Variants in ELL2 observed in about 807,000 individuals in gnomAD.
ELL2 encodes elongation factor for RNA polymerase II 2.
In ELL2, 21 loss-of-function variants were observed where a neutral mutation model predicts 72.8. The ratio of observed to expected loss-of-function variants is 0.29; its 90% CI spans 0.20 to 0.42. The LOEUF (loss-of-function observed/expected upper bound fraction) is 0.42. Among genes scored for constraint, ELL2 ranks in the 10% least tolerant of loss-of-function variants. ELL2 has a pLI of 1.00. For synonymous variants in ELL2, 266 were observed against 283.2 expected (o/e 0.94, Z 0.61); for missense variants, 568 against 772.8 (o/e 0.73, Z 3.14).
chr5:95,891,164 C>G lies in ELL2; in HGVS notation c.1700G>C (p.Arg567Thr). 1 of 1,614,158 alleles carries G rather than the reference C, an allele frequency of 6.2e-7. No individual in the cohort carries two copies. Residue 567 changes from arginine (R) to threonine (T), a missense_variant, in exon 10 of 12, where the codon AGA (arginine) becomes ACA (threonine). By Grantham distance (71) the Arg-to-Thr change is moderately conservative (BLOSUM62 -1). Transcript: ENST00000237853. ...TTGTGCATCTAGTTTGATAAATCTT[C>G]TAGCTACAGTCTCCATCCTGGCATG... The part of the protein sequence containing the change: ...ALHARMETVA[R>T]RFIKLDAQRK...
rs1254129813 is a variant in ELL2 at position 95,898,233 on chromosome 5, A to C, written c.1525+7T>G. On this transcript the variant is annotated splice_region_variant and intron_variant, in intron 8 of 11. Transcript: ENST00000237853. Reference sequence around the variant, plus strand: ...ATGCACTTCTGGTTCATCTAAAGGTAAAATACCTCCACTGGAATTTGGACT... The same window carrying C: ...ATGCACTTCTGGTTCATCTAAAGGTCAAATACCTCCACTGGAATTTGGACT... 1 of 1,589,836 alleles carries C rather than the reference A, an allele frequency of 6.3e-7. No homozygotes were observed. Among genetic ancestry groups the C allele is most frequent in the East Asian group, 2.2e-5 (1 of 44,742 alleles).
chr5:95,888,695 G>A lies in ELL2; in HGVS notation c.*176C>T. The A allele has an allele frequency of 4.4e-6, 2 of 455,716 alleles. No individual in the cohort carries two copies. Among genetic ancestry groups the A allele is most frequent in the Non-Finnish European group, 7.6e-6 (2 of 264,234 alleles). The allele number at this position is 455,716 out of a possible 1,614,324, so 28.2% of individuals were successfully genotyped here. ...GGGGTGGTGGGGAGGACCAGAAAGA[G>A]CAGCTTCGAAATGCAGGGAAGCAAA... On this transcript the variant is annotated 3_prime_UTR_variant, in exon 12 of 12. Transcript: ENST00000237853.
intron 1 of ELL2, among the ~76,000 whole-genome samples, chr5:95,959,654 A>C (rs577143440): frequency 6.6e-5 from 10 of 152,072 alleles, no homozygotes; most frequent in African/African-American, 2.4e-4. Context: ...TATTTCTTGT[A>C]TCTCTCCCAG....
At chr5:95,927,536 T>C (rs1432329435) in intron 2 of ELL2, among the ~76,000 whole-genome samples, 1 of 32,776 alleles carries the variant, frequency 3.1e-5, no homozygotes, top group Non-Finnish European at 5.0e-5. Context: ...CACACACGTG[T>C]GTATATAGAC....
intron 1 of ELL2, among the ~76,000 whole-genome samples, chr5:95,943,978 T>G (rs953049289): frequency 6.6e-6 from 1 of 152,226 alleles, no homozygotes; most frequent in Non-Finnish European, 1.5e-5. Context: ...TAATGTTTAA[T>G]GGTAGTACAT....
In ELL2 at chr5:95,900,690, T is replaced by C. The variant is rs922199862; in HGVS notation, c.954+3A>G. 1.3e-6 allele frequency: 2 copies of C among 1,584,494 alleles called. No individual in the cohort carries two copies. The highest frequency in any genetic ancestry group is 1.4e-5 in the African/African-American group (1 of 73,524). ...GGTCTATAATTCTATGTTTATGACA[T>C]ACCTGAGGAGAAGATACAGCGTCTC... is the stretch of plus-strand genomic sequence containing the variant. On this transcript the variant is annotated splice_donor_region_variant and intron_variant, in intron 7 of 11. Transcript: ENST00000237853.
chr5:95,892,427 G>A (rs761343371), intron 9 of ELL2, among the ~76,000 whole-genome samples: 3 of 152,324 alleles, frequency 2.0e-5, no homozygotes, highest in South Asian at 2.1e-4. Context: ...GATTATAGGC[G>A]TGAGCCACTG....
At chr5:95,951,430 A>G (rs1751398911) in intron 1 of ELL2, among the ~76,000 whole-genome samples, 1 of 152,080 alleles carries the variant, frequency 6.6e-6, no homozygotes, top group Non-Finnish European at 1.5e-5. Context: ...GAAGCATAGT[A>G]TTCCACCATT....
At chr5:95,920,484 G>A (rs1478883839) in intron 2 of ELL2, among the ~76,000 whole-genome samples, 1 of 151,418 alleles carries the variant, frequency 6.6e-6, no homozygotes, top group African/African-American at 2.4e-5. Context: ...TAATTTTTTT[G>A]TATTTTTAGT....
At position 95,891,261 on chromosome 5, in the gene ELL2, T is replaced by C. The variant is rs767627536; in HGVS notation, c.1603A>G (p.Ile535Val). Residue 535 changes from isoleucine (I) to valine (V), a missense_variant, in exon 10 of 12, where the codon ATC becomes GTC. By Grantham distance (29) the Ile-to-Val change is conservative. Around this residue, in one of 2 missense-constraint regions of ELL2, gnomAD observed 511 missense variants for 728.4 expected, o/e 0.70. Coordinates refer to ENST00000237853, the MANE Select transcript of ELL2 (RefSeq NM_012081.6). ...LPDYLIKYIAIVSYEQRQNYK... is the reference protein window; with the variant it reads ...LPDYLIKYIAVVSYEQRQNYK... ...TTCTGGCGTTGCTCATAGGAGACGA[T>C]AGCGATATATTTTCTAATAAGAAAA... The C allele has an allele frequency of 6.2e-6, 10 of 1,602,564 alleles. No individual in the cohort carries two copies. The highest frequency in any genetic ancestry group is 4.5e-5 in the East Asian group (2 of 44,780).
intron 1 of ELL2, among the ~76,000 whole-genome samples, chr5:95,955,383 C>A (rs1036473729): frequency 1.3e-5 from 2 of 152,146 alleles, no homozygotes; most frequent in African/African-American, 4.8e-5. Flanking sequence ...TTTCTTATAT[C>A]CTGAATTAAA....
chr5:95,942,703 A>T (rs1244620648), intron 2 of ELL2, among the ~76,000 whole-genome samples: 1 of 152,204 alleles, frequency 6.6e-6, no homozygotes, highest in African/African-American at 2.4e-5. Flanking sequence ...GATAATACAT[A>T]CTCACATAAT....
Position 95,961,731 on chromosome 5 carries a change from C to A in ELL2, c.-10G>T, listed in dbSNP as rs1437513874. The stretch of plus-strand genomic sequence containing the variant: ...TCCCCCCCGCCGCCATCTTAAACTC[C>A]CCGGGGTGCCGCCGCCGCCGCCGCT... On this transcript the variant is annotated 5_prime_UTR_variant, in exon 1 of 12. An upstream open reading frame in the 5' UTR gains an earlier in-frame stop. Coordinates refer to ENST00000237853, the MANE Select transcript of ELL2 (RefSeq NM_012081.6). 6.3e-7 allele frequency: 1 copy of A among 1,594,668 alleles called. No individual in the cohort carries two copies. Among genetic ancestry groups the A allele is most frequent in the Non-Finnish European group, 8.5e-7 (1 of 1,172,724 alleles).
At chr5:95,905,618 T>G (rs1409244178) in intron 5 of ELL2, among the ~76,000 whole-genome samples, 1 of 152,220 alleles carries the variant, frequency 6.6e-6, no homozygotes, top group Non-Finnish European at 1.5e-5. Flanking sequence ...GGGGACTGGC[T>G]AACCTGAATT....
At chr5:95,955,476 G>A (rs936366) in intron 1 of ELL2, among the ~76,000 whole-genome samples, 1 of 151,978 alleles carries the variant, frequency 6.6e-6, no homozygotes, top group Non-Finnish European at 1.5e-5. Context: ...ATTTAACATT[G>A]GCTCTCAAGA....
At chr5:95,907,952 A>C (rs1749439742) in intron 4 of ELL2, among the ~76,000 whole-genome samples, 1 of 152,224 alleles carries the variant, frequency 6.6e-6, no homozygotes, top group African/African-American at 2.4e-5. Context: ...CCTGGTCAGA[A>C]GGCCTGTGTG....
At position 95,898,431 on chromosome 5, in the gene ELL2, A is replaced by G. The variant is rs1308400412; in HGVS notation, c.1334T>C (p.Leu445Pro). 1 of 1,613,518 alleles carries G rather than the reference A, an allele frequency of 6.2e-7. No homozygotes were observed. The highest frequency in any genetic ancestry group is 1.7e-5 in the Admixed American group (1 of 60,018). The change falls in exon 8 of 12, where the codon CTA (leucine) becomes CCA (proline). Residue 445 changes from leucine to proline, a missense_variant. Transcript: ENST00000237853. ...LETLPPGSVL[L>P]KCPKPMEENH... ...TTCTTCCATAGGCTTTGGACACTTT[A>G]GTAGAACGGAACCAGGGGGTAAGGT...
At chr5:95,960,457 G>A (rs965046452) in intron 1 of ELL2, among the ~76,000 whole-genome samples, 12 of 151,848 alleles carry the variant, frequency 7.9e-5, no homozygotes, top group Non-Finnish European at 1.5e-5. Flanking sequence ...GTCTGGATTT[G>A]TAGTCCAATT....
chr5:95,895,847 C>A (rs1389335608), intron 8 of ELL2, among the ~76,000 whole-genome samples, 156 bp from the exon 9 acceptor site: 1 of 152,190 alleles, frequency 6.6e-6, no homozygotes, highest in East Asian at 1.9e-4. Context: ...TACAATTGAA[C>A]ATGAACAATA....
Sources: gnomAD v4.1 joint callset for allele counts (sites outside exome capture counted in the v4.1 genomes callset) on GRCh38, gnomAD v4.1.1 for gene constraint, gnomAD v4.1.1 regional missense constraint, MANE v1.5 for transcripts, NCBI Gene and HGNC (gene_info 2026-07-23, HGNC 2026-07-21) for gene names.